Variants in UGT2B7 observed in about 807,000 individuals in gnomAD.
UGT2B7 encodes UDP glucuronosyltransferase family 2 member B7.
In UGT2B7, 51 loss-of-function variants were observed where a neutral mutation model predicts 51.9. The ratio of observed to expected loss-of-function variants is 0.98; its 90% CI spans 0.78 to 1.24. The LOEUF is 1.24. UGT2B7 is among the 50% of genes most tolerant of loss of function. The pLI is 0.00. For missense variants in UGT2B7, 727 were observed against 628.4 expected (o/e 1.16, Z -1.68); for synonymous variants, 225 against 211.6 (o/e 1.06, Z -0.55).
At position 69,064,019 on chromosome 4, in the gene UGT2B7, G is replaced by GGAAAGAAAGAAAGAAAGAAAGAAA. The variant is rs71204072; in HGVS notation, c.-159+12472_-159+12495dup. On this transcript the variant is annotated intron_variant, in intron 1 of 5. Transcript: ENST00000502942. ...AGGCATCAAAGGGGAAGATGAGATGGGAAAGAAAGAAAGAAAGAAAGAAAG... is the reference window on the plus strand; with the variant it reads ...AGGCATCAAAGGGGAAGATGAGATGGGAAAGAAAGAAAGAAAGAAAGAAAGAAAGAAAGAAAGAAAGAAAGAAAG... Among the ~76,000 whole-genome samples the GGAAAGAAAGAAAGAAAGAAAGAAA allele has an allele frequency of 1.1e-3, 65 of 60,168 alleles. 1 individual carries two copies. Among genetic ancestry groups the GGAAAGAAAGAAAGAAAGAAAGAAA allele is most frequent in the Admixed American group, 1.7e-3 (8 of 4,846 alleles). The allele number at this position is 60,168 out of a possible 152,430, so 39.5% of individuals were successfully genotyped here. A position where few individuals can be genotyped will look rare whatever the true frequency, so the allele number is the denominator to read the frequency against.
chr4:69,095,333 C>A (rs1719193608), upstream of UGT2B7, among the ~76,000 whole-genome samples: 2 of 152,108 alleles, frequency 1.3e-5, no homozygotes, highest in Non-Finnish European at 1.5e-5. Flanking sequence ...GTAAAGTCAT[C>A]AGAACAAGAA....
chr4:69,072,731 C>T (rs1466253868), intron 1 of UGT2B7, among the ~76,000 whole-genome samples: 1 of 152,026 alleles, frequency 6.6e-6, no homozygotes, highest in Non-Finnish European at 1.5e-5. Flanking sequence ...CTCCAGTGTT[C>T]TTTATTGATG....
At chr4:69,054,959 G>A (rs1327664384) in intron 1 of UGT2B7, among the ~76,000 whole-genome samples, 2 of 151,732 alleles carry the variant, frequency 1.3e-5, no homozygotes, top group Admixed American at 1.3e-4. Flanking sequence ...AACTCCAAAA[G>A]GAACTTGTTT....
chr4:69,110,213 A>G (rs1278177635), intron 5 of UGT2B7, among the ~76,000 whole-genome samples: 2 of 152,096 alleles, frequency 1.3e-5, no homozygotes, highest in African/African-American at 2.4e-5. Flanking sequence ...TTCCTAGAGC[A>G]TGTCGAATAG....
At chr4:69,094,129 C>CT (rs71204074), upstream of UGT2B7, among the ~76,000 whole-genome samples, 2,278 of 54,296 alleles carry the variant, frequency 0.042, 755 homozygotes, top group African/African-American at 0.079. Context: ...GTTTTGGTTT[C>CT]TTTTTTTTTT....
At chr4:69,091,940 A>G (rs1281124971), upstream of UGT2B7, among the ~76,000 whole-genome samples, 2 of 152,016 alleles carry the variant, frequency 1.3e-5, no homozygotes, top group African/African-American at 4.8e-5. Context: ...CTAGCTTATT[A>G]TTTTCTTTTA....
intron 3 of UGT2B7, among the ~76,000 whole-genome samples, chr4:69,106,916 C>G (rs1260452185): frequency 6.6e-6 from 1 of 150,522 alleles, no homozygotes; most frequent in African/African-American, 2.4e-5. Context: ...AAAGGTGTAA[C>G]AATTTTTTAA....
chr4:69,106,066 G>A (rs1306502581), intron 3 of UGT2B7, among the ~76,000 whole-genome samples: 1 of 151,882 alleles, frequency 6.6e-6, no homozygotes, highest in African/African-American at 2.4e-5. Context: ...TACATTTTTA[G>A]AATATTTTTA....
upstream of UGT2B7, chr4:69,096,345 A>T: frequency 1.0e-6 from 1 of 955,514 alleles, no homozygotes; most frequent in Non-Finnish European, 1.5e-6. Flanking sequence ...CAGATCATTT[A>T]CCTTCATTTG....
At chr4:69,057,667 CGACTGGTCTAAAAT>C (rs1403970640) in intron 1 of UGT2B7, among the ~76,000 whole-genome samples, 1 of 152,126 alleles carries the variant, frequency 6.6e-6, no homozygotes, top group African/African-American at 2.4e-5. Context: ...CAACCGGGTC[CGACTGGTCTAAAAT>C]GAAAGGAAAG....
intron 1 of UGT2B7, among the ~76,000 whole-genome samples, chr4:69,068,437 T>C (rs756820179): frequency 9.2e-5 from 14 of 152,052 alleles, no homozygotes; most frequent in Non-Finnish European, 1.3e-4. Context: ...AATATTTCTG[T>C]TTAATAACCA....
intron 5 of UGT2B7, among the ~76,000 whole-genome samples, chr4:69,108,558 G>T (rs556779795): frequency 5.3e-5 from 8 of 151,740 alleles, no homozygotes; most frequent in African/African-American, 1.9e-4. Flanking sequence ...AATTTTAAAA[G>T]GATATAGATA....
chr4:69,100,818 C>T (rs1257732146), intron 2 of UGT2B7, among the ~76,000 whole-genome samples: 1 of 152,008 alleles, frequency 6.6e-6, no homozygotes, highest in Non-Finnish European at 1.5e-5. Flanking sequence ...AATTGCTAAC[C>T]CAGGTTGCTT....
At chr4:69,060,062 C>T (rs1718309657) in intron 1 of UGT2B7, among the ~76,000 whole-genome samples, 1 of 152,190 alleles carries the variant, frequency 6.6e-6, no homozygotes, top group South Asian at 2.1e-4. Flanking sequence ...AGGCACAGGC[C>T]TCAGACCTTA....
At chr4:69,111,503 C>T (rs1719772909) in intron 5 of UGT2B7, among the ~76,000 whole-genome samples, 1 of 152,126 alleles carries the variant, frequency 6.6e-6, no homozygotes, top group South Asian at 2.1e-4. Context: ...CGATCTTTCT[C>T]ATAGCACTTA....
At position 69,098,545 on chromosome 4, in the gene UGT2B7, C is replaced by A; in HGVS notation, c.727C>A (p.Pro243Thr). The change falls in exon 2 of 6, where the codon CCC (proline) becomes ACC (threonine). Residue 243 changes from proline to threonine, a missense_variant. Pro to Thr is a conservative substitution (Grantham distance 38, BLOSUM62 -1). Coordinates refer to ENST00000305231, the MANE Select transcript of UGT2B7 (RefSeq NM_001074.4). ...TTTTTTTCTATTCCTGTCAGGAAGACCCACTACATTATCTGAGACAATGGG... is the reference window on the plus strand; with the variant it reads ...TTTTTTTCTATTCCTGTCAGGAAGAACCACTACATTATCTGAGACAATGGG... ...DQFYSEVLGR[P>T]TTLSETMGKA... The A allele has an allele frequency of 6.3e-7, 1 of 1,599,468 alleles. No homozygotes were observed. Among genetic ancestry groups the A allele is most frequent in the Non-Finnish European group, 8.5e-7 (1 of 1,176,276 alleles).
chr4:69,065,263 C>G (rs1201706145), intron 1 of UGT2B7, among the ~76,000 whole-genome samples: 2 of 152,094 alleles, frequency 1.3e-5, no homozygotes, highest in Non-Finnish European at 2.9e-5. Context: ...ACCCACTTAG[C>G]CATGTAGATT....
intron 2 of UGT2B7, among the ~76,000 whole-genome samples, chr4:69,099,198 G>C (rs1197992479): frequency 6.8e-6 from 1 of 147,768 alleles, no homozygotes; most frequent in African/African-American, 2.5e-5. Flanking sequence ...TCACTGATTA[G>C]TAAGATGAGA....
upstream of UGT2B7, among the ~76,000 whole-genome samples, chr4:69,094,399 C>T (rs1365044871): frequency 2.0e-4 from 6 of 29,270 alleles, 2 homozygotes; most frequent in Admixed American, 1.1e-3. Context: ...CCGCCCGCCT[C>T]GGCCTCCCAA....
Sources: allele counts gnomAD v4.1 joint callset (sites outside exome capture counted in the v4.1 genomes callset), GRCh38; gene constraint gnomAD v4.1.1; transcripts MANE v1.5; gene names NCBI Gene and HGNC (gene_info 2026-07-23, HGNC 2026-07-21).